ENOX1: variants seen among roughly 807,000 people sequenced by gnomAD.
The protein encoded by ENOX1 is ecto-NOX disulfide-thiol exchanger 1.
ENOX1 carries 42 observed loss-of-function variants against 82.5 expected under a neutral mutation model. The observed-to-expected ratio is 0.51, with a 90% CI of 0.40 to 0.66. The LOEUF is 0.66. Among genes scored for constraint, ENOX1 ranks in the 30% least tolerant of loss-of-function variants. The probability of loss-of-function intolerance (pLI) is 0.00; values close to 1 mark genes in which losing one functional copy is unlikely to be tolerated. For missense variants in ENOX1, 608 were observed against 811.6 expected (o/e 0.75, Z 3.05); for synonymous variants, 271 against 282.2 (o/e 0.96, Z 0.40).
At chr13:43,449,984 G>C (rs935869395) in intron 3 of ENOX1, among the ~76,000 whole-genome samples, 6 of 152,196 alleles carry the variant, frequency 3.9e-5, no homozygotes, top group African/African-American at 1.4e-4. Flanking sequence ...AAATAAGTTT[G>C]TGTGTTTCAA....
chr13:43,552,142 C>G (rs2079224557), intron 2 of ENOX1, among the ~76,000 whole-genome samples: 1 of 152,014 alleles, frequency 6.6e-6, no homozygotes, highest in African/African-American at 2.4e-5. Flanking sequence ...AAAAAAAATG[C>G]TTGAAAATAA....
Position 43,455,694 on chromosome 13 carries a change from C to T in ENOX1, c.-75+28315G>A, listed in dbSNP as rs537740995. On this transcript the variant is annotated intron_variant, in intron 3 of 16. Transcript: ENST00000690772. Reference sequence around the variant, plus strand: ...CTTAAATTGTAGCTCCCATAATTCCCATTGTTGTGGGAGGGACCCAGTGGG... The same window carrying T: ...CTTAAATTGTAGCTCCCATAATTCCTATTGTTGTGGGAGGGACCCAGTGGG... Among the ~76,000 whole-genome samples, 5 of 152,248 alleles carry T rather than the reference C, an allele frequency of 3.3e-5. No individual in the cohort carries two copies. The East Asian group carries it at 7.7e-4, about 24-fold the overall frequency.
intron 2 of ENOX1, among the ~76,000 whole-genome samples, chr13:43,603,125 G>GT (rs1679630803): frequency 6.6e-6 from 1 of 151,974 alleles, no homozygotes; most frequent in Non-Finnish European, 1.5e-5. Flanking sequence ...TAATAAACGT[G>GT]TAAGACTTTG....
chr13:43,257,063 G>T (rs1367154829), intron 14 of ENOX1, among the ~76,000 whole-genome samples: 1 of 152,184 alleles, frequency 6.6e-6, no homozygotes, highest in Non-Finnish European at 1.5e-5. Flanking sequence ...GACATAGGAA[G>T]TTAGACACCA....
At chr13:43,639,558 A>G (rs1327459277) in intron 2 of ENOX1, among the ~76,000 whole-genome samples, 1 of 152,214 alleles carries the variant, frequency 6.6e-6, no homozygotes, top group African/African-American at 2.4e-5. Flanking sequence ...AGTTAGGAGC[A>G]GGCACTTAAT....
chr13:43,710,525 T>G (rs1226976702), intron 1 of ENOX1, among the ~76,000 whole-genome samples: 1 of 152,088 alleles, frequency 6.6e-6, no homozygotes, highest in Non-Finnish European at 1.5e-5. Context: ...TTTAGACACA[T>G]AATACTACCT....
At chr13:43,270,758 C>T (rs1370519760) in intron 12 of ENOX1, among the ~76,000 whole-genome samples, 1 of 152,182 alleles carries the variant, frequency 6.6e-6, no homozygotes, top group Non-Finnish European at 1.5e-5. Flanking sequence ...CTACTTTGGT[C>T]CTGTAGCATA....
chr13:43,378,634 T>C (rs934938336), intron 5 of ENOX1, among the ~76,000 whole-genome samples: 1 of 152,190 alleles, frequency 6.6e-6, no homozygotes. Flanking sequence ...AAAGCTGCTG[T>C]GATCTCTCAT....
At chr13:43,550,754 GT>G in intron 2 of ENOX1, among the ~76,000 whole-genome samples, 1 of 152,248 alleles carries the variant, frequency 6.6e-6, no homozygotes, top group Non-Finnish European at 1.5e-5. Context: ...TCCTTACAAA[GT>G]TTCTAAGACT....
At chr13:43,336,599 C>T (rs1489371473) in intron 9 of ENOX1, among the ~76,000 whole-genome samples, 4 of 152,220 alleles carry the variant, frequency 2.6e-5, no homozygotes, top group Admixed American at 6.5e-5. Context: ...ATAGGCAGAA[C>T]ATTTGCACAG....
intron 2 of ENOX1, among the ~76,000 whole-genome samples, chr13:43,637,393 A>T (rs2083453623): frequency 6.6e-6 from 1 of 152,204 alleles, no homozygotes; most frequent in Non-Finnish European, 1.5e-5. Context: ...CCGGGAAGCC[A>T]TGACTTAAGG....
chr13:43,476,001 T>G (rs2058267014), intron 3 of ENOX1, among the ~76,000 whole-genome samples: 1 of 152,074 alleles, frequency 6.6e-6, no homozygotes, highest in Non-Finnish European at 1.5e-5. Flanking sequence ...AACTCTAATC[T>G]TATATTTGTT....
intron 2 of ENOX1, among the ~76,000 whole-genome samples, chr13:43,602,574 A>G (rs185142892): frequency 1.4e-4 from 21 of 152,288 alleles, no homozygotes; most frequent in Admixed American, 1.4e-3. Flanking sequence ...GAAAATGAAC[A>G]TTCATGCCAG....
rs776337578 is a variant in ENOX1 at position 43,492,655 on chromosome 13, C to T, written c.-218-8503G>A. Among the ~76,000 whole-genome samples, 4 of 152,148 alleles carry T rather than the reference C, an allele frequency of 2.6e-5. No individual in the cohort carries two copies. The South Asian group carries it at 8.3e-4, about 32-fold the overall frequency. ...AAACCGGTCAAATAATTTTATTTTACCTTAGCATTTTCCCAATAAATACTT... is the reference window on the plus strand; with the variant it reads ...AAACCGGTCAAATAATTTTATTTTATCTTAGCATTTTCCCAATAAATACTT... On this transcript the variant is annotated intron_variant, in intron 2 of 16. Transcript: ENST00000690772.
intron 5 of ENOX1, among the ~76,000 whole-genome samples, chr13:43,385,920 C>G (rs774036293): frequency 6.6e-6 from 1 of 152,118 alleles, no homozygotes; most frequent in Non-Finnish European, 1.5e-5. Flanking sequence ...AATCCCAGCA[C>G]TTTGGGAGGC....
chr13:43,529,267 T>C (rs1340422682), intron 2 of ENOX1, among the ~76,000 whole-genome samples: 5 of 151,998 alleles, frequency 3.3e-5, no homozygotes, highest in African/African-American at 9.7e-5. Flanking sequence ...CATTCCCAGT[T>C]AGTCACTTAG....
chr13:43,588,152 CAT>C (rs1442591131), intron 2 of ENOX1, among the ~76,000 whole-genome samples: 5 of 152,096 alleles, frequency 3.3e-5, no homozygotes, highest in Non-Finnish European at 7.4e-5. Flanking sequence ...TGTTAATTAA[CAT>C]ATATAGTTAA....
At chr13:43,736,463 A>C (rs1190167699) in intron 1 of ENOX1, among the ~76,000 whole-genome samples, 2 of 151,834 alleles carry the variant, frequency 1.3e-5, no homozygotes, top group Non-Finnish European at 2.9e-5. Context: ...ATGGCAAGCA[A>C]GTGTTCCATT....
At chr13:43,639,364 A>C (rs767166509) in intron 2 of ENOX1, among the ~76,000 whole-genome samples, 2 of 152,206 alleles carry the variant, frequency 1.3e-5, no homozygotes, top group Non-Finnish European at 2.9e-5. Context: ...AAAATTGGGA[A>C]ATTAGGCAAA....
Sources: gnomAD v4.1 joint callset for allele counts (sites outside exome capture counted in the v4.1 genomes callset) on GRCh38, gnomAD v4.1.1 for gene constraint, MANE v1.5 for transcripts, NCBI Gene and HGNC (gene_info 2026-07-23, HGNC 2026-07-21) for gene names.